XIRP2: variants seen among roughly 807,000 people sequenced by gnomAD.
XIRP2 encodes xin actin binding repeat containing 2, also known as xin actin-binding repeat-containing protein 2.
Under a neutral mutation model 277.0 loss-of-function variants are expected in XIRP2, and 236 were observed. The ratio of observed to expected loss-of-function variants is 0.85; its 90% CI spans 0.77 to 0.95. XIRP2 has a LOEUF of 0.95. XIRP2 is among the 40% of genes least tolerant of loss of function. The pLI, the probability that XIRP2 is intolerant of heterozygous loss-of-function variation, is 0.00. For missense variants in XIRP2, 4,640 were observed against 4,157.5 expected (o/e 1.12, Z -3.19); for synonymous variants, 1,490 against 1,416.5 (o/e 1.05, Z -1.17).
intron 3 of XIRP2, among the ~76,000 whole-genome samples, chr2:167,183,151 C>A (rs1164958377): frequency 1.3e-5 from 2 of 152,118 alleles, no homozygotes; most frequent in East Asian, 3.9e-4. Flanking sequence ...AGTAGAAGGG[C>A]TTTGTATATG....
intron 5 of XIRP2, among the ~76,000 whole-genome samples, chr2:167,224,104 G>A (rs937167418): frequency 6.6e-6 from 1 of 152,106 alleles, no homozygotes; most frequent in Admixed American, 6.5e-5. Context: ...AGGGTCTGAA[G>A]GAGCAAGAAC....
intron 2 of XIRP2, among the ~76,000 whole-genome samples, chr2:167,121,485 T>C (rs1347578353): frequency 1.3e-5 from 2 of 152,170 alleles, no homozygotes; most frequent in African/African-American, 2.4e-5. Flanking sequence ...AGTTTTAAAA[T>C]ATGTTAAAGC....
At chr2:167,016,939 G>A (rs1412627624) in intron 2 of XIRP2, among the ~76,000 whole-genome samples, 1 of 151,956 alleles carries the variant, frequency 6.6e-6, no homozygotes, top group Non-Finnish European at 1.5e-5. Flanking sequence ...CTTGAAGTAA[G>A]ACAGGTGAAG....
At chr2:167,018,186 A>G (rs1371958655) in intron 2 of XIRP2, among the ~76,000 whole-genome samples, 1 of 151,964 alleles carries the variant, frequency 6.6e-6, no homozygotes, top group Non-Finnish European at 1.5e-5. Context: ...GTATTTTTTA[A>G]ATTTCTGAAT....
intron 2 of XIRP2, among the ~76,000 whole-genome samples, chr2:167,079,307 G>A (rs1689667117): frequency 6.6e-6 from 1 of 152,108 alleles, no homozygotes; most frequent in African/African-American, 2.4e-5. Context: ...TTTACATTGT[G>A]TGTTTACCAT....
At chr2:167,088,005 A>T (rs2105271533) in intron 2 of XIRP2, among the ~76,000 whole-genome samples, 1 of 152,268 alleles carries the variant, frequency 6.6e-6, no homozygotes. Context: ...ATTACATAAA[A>T]GATGATAAGT....
intron 2 of XIRP2, among the ~76,000 whole-genome samples, chr2:167,115,154 G>A (rs1274843984): frequency 2.6e-5 from 4 of 152,102 alleles, no homozygotes; most frequent in Admixed American, 6.5e-5. Context: ...GTGTGAGATG[G>A]TATCTCACTG....
intron 2 of XIRP2, among the ~76,000 whole-genome samples, chr2:167,089,564 C>T (rs1488388407): frequency 6.6e-6 from 1 of 152,126 alleles, no homozygotes; most frequent in East Asian, 1.9e-4. Context: ...ATTTCTACTG[C>T]TTTCAGCAAG....
intron 2 of XIRP2, among the ~76,000 whole-genome samples, chr2:167,023,741 G>A (rs1049581716): frequency 8.6e-5 from 13 of 151,994 alleles, no homozygotes; most frequent in Admixed American, 3.3e-4. Flanking sequence ...GATTTTCTCG[G>A]GTTTGTCAAA....
chr2:167,006,336 A>C (rs562789382), intron 2 of XIRP2, among the ~76,000 whole-genome samples: 1 of 151,628 alleles, frequency 6.6e-6, no homozygotes, highest in South Asian at 2.1e-4. Context: ...GGGCGGGGGG[A>C]ATGTAATGTG....
At chr2:166,915,101 T>C (rs962401705) in intron 2 of XIRP2, among the ~76,000 whole-genome samples, 4 of 151,386 alleles carry the variant, frequency 2.6e-5, no homozygotes, top group African/African-American at 9.7e-5. Context: ...ATCGAGACCA[T>C]CCTGGCTAAC....
intron 2 of XIRP2, among the ~76,000 whole-genome samples, chr2:166,920,338 C>G (rs1056698338): frequency 6.6e-6 from 1 of 152,046 alleles, no homozygotes; most frequent in African/African-American, 2.4e-5. Context: ...GATCTCAGTC[C>G]AGAAGCCACA....
chr2:167,206,381 T>A (rs1006929900), intron 3 of XIRP2, among the ~76,000 whole-genome samples: 1 of 152,252 alleles, frequency 6.6e-6, no homozygotes, highest in African/African-American at 2.4e-5. Context: ...TTGCTGCTAA[T>A]ATGCTATTGA....
At chr2:166,913,096 C>T (rs922052991) in intron 2 of XIRP2, among the ~76,000 whole-genome samples, 4 of 152,228 alleles carry the variant, frequency 2.6e-5, no homozygotes, top group Admixed American at 6.5e-5. Flanking sequence ...AGATCTCAAA[C>T]TCCGTGCTGG....
rs1230869034 is a variant in XIRP2 at position 167,246,808 on chromosome 2, A to G, written c.5416A>G (p.Thr1806Ala). 6.2e-7 allele frequency: 1 copy of G among 1,613,842 alleles called. No individual in the cohort carries two copies. Among genetic ancestry groups the G allele is most frequent in the South Asian group, 1.1e-5 (1 of 91,080 alleles). The change falls in exon 9 of 11, where the codon ACT becomes GCT. Residue 1806 changes from threonine to alanine, a missense_variant. Transcript: ENST00000409195. Reference protein sequence around the residue: ...QSLVERTVSETDIIPGDVHNT... With the variant: ...QSLVERTVSEADIIPGDVHNT... ...TCTGGTTGAACGTACTGTTAGTGAAACTGACATCATCCCTGGAGATGTGCA... is the reference window on the plus strand; with the variant it reads ...TCTGGTTGAACGTACTGTTAGTGAAGCTGACATCATCCCTGGAGATGTGCA...
chr2:167,243,047 G>C lies in XIRP2; in HGVS notation c.1655G>C (p.Ser552Thr), dbSNP rs185796429. Residue 552 changes from serine to threonine, a missense_variant, in exon 9 of 11, where the codon AGT becomes ACT. Physicochemically the swap from Ser to Thr is moderately conservative, Grantham distance 58. Coordinates refer to ENST00000409195, the MANE Select transcript of XIRP2 (RefSeq NM_152381.6). ...TATGTTTTTGAAAACACAAATGACA[G>C]TTCTCAAAAAGATCTGAACTCAGAA... ...ARYVFENTND[S>T]SQKDLNSERE... 637 of 1,614,036 alleles carry C rather than the reference G, an allele frequency of 3.9e-4. 1 individual carries two copies. The highest frequency in any genetic ancestry group is 5.1e-4 in the Non-Finnish European group (602 of 1,179,986).
intron 3 of XIRP2, among the ~76,000 whole-genome samples, chr2:167,154,448 A>G (rs1692121706): frequency 6.6e-6 from 1 of 150,544 alleles, no homozygotes; most frequent in African/African-American, 2.5e-5. Flanking sequence ...TTTTGTTGCC[A>G]TTGCTTTTGG....
intron 2 of XIRP2, among the ~76,000 whole-genome samples, chr2:166,909,876 G>A (rs1213278490): frequency 6.6e-6 from 1 of 152,144 alleles, no homozygotes; most frequent in Admixed American, 6.5e-5. Context: ...TAATCATGTG[G>A]TTTTTATCTT....
intron 2 of XIRP2, among the ~76,000 whole-genome samples, chr2:166,999,223 A>G (rs1005424129): frequency 7.9e-5 from 12 of 152,170 alleles, no homozygotes; most frequent in African/African-American, 2.7e-4. Context: ...TTATTTTGAT[A>G]CCATTTAGTA....
Sources: allele counts gnomAD v4.1 joint callset (sites outside exome capture counted in the v4.1 genomes callset), GRCh38; gene constraint gnomAD v4.1.1; transcripts MANE v1.5; gene names NCBI Gene and HGNC (gene_info 2026-07-23, HGNC 2026-07-21).